The following DDX10 variants were observed in gnomAD, a reference collection of about 807,000 sequenced individuals.
The protein encoded by DDX10 is probable ATP-dependent RNA helicase DDX10.
DDX10 carries 74 observed loss-of-function variants against 104.3 expected under a neutral mutation model. The ratio of observed to expected loss-of-function variants is 0.71; its 90% CI spans 0.59 to 0.86. The LOEUF (loss-of-function observed/expected upper bound fraction) is 0.86, where lower values mean the gene tolerates loss of function less well. DDX10 is among the 40% of genes least tolerant of loss of function. The probability of loss-of-function intolerance (pLI) is 0.00; values close to 1 mark genes in which losing one functional copy is unlikely to be tolerated. For missense variants in DDX10, 952 were observed against 1,040.0 expected (o/e 0.92, Z 1.16); for synonymous variants, 351 against 353.4 (o/e 0.99, Z 0.08).
chr11:108,884,293 A>G (rs1041602213), intron 16 of DDX10, among the ~76,000 whole-genome samples: 1 of 152,102 alleles, frequency 6.6e-6, no homozygotes, highest in African/African-American at 2.4e-5. Flanking sequence ...TTAGGCACAA[A>G]CCTTCCTTTA....
At chr11:108,767,018 A>T (rs2094357199) in intron 13 of DDX10, among the ~76,000 whole-genome samples, 1 of 151,962 alleles carries the variant, frequency 6.6e-6, no homozygotes, top group Admixed American at 6.6e-5. Flanking sequence ...GGGGCAAGGG[A>T]CTCTTCCACT....
chr11:108,910,732 T>C (rs1396997538), intron 16 of DDX10, among the ~76,000 whole-genome samples: 3 of 500 alleles, frequency 6.0e-3, no homozygotes, highest in East Asian at 0.083. Context: ...TGCATGCGTG[T>C]GTGTGTGTGT....
In DDX10 at chr11:108,672,062, G is replaced by GAA. The variant is rs55845865; in HGVS notation, c.187-1382_187-1381dup. On this transcript the variant is annotated intron_variant, in intron 1 of 17. Coordinates refer to ENST00000322536, the MANE Select transcript of DDX10 (RefSeq NM_004398.4). ...GGCGACACAGCGAGACTCCATCTCG[G>GAA]AAAAAAAAAAAAAAAAAAAAAAAAG... 1.8e-3 allele frequency among the ~76,000 whole-genome samples: 124 copies of GAA among 68,626 alleles called. 1 individual carries two copies. Among genetic ancestry groups the GAA allele is most frequent in the African/African-American group, 5.9e-3 (106 of 18,010 alleles). 45.0% of individuals were successfully genotyped at this position (68,626 alleles called of 152,430 possible). A position where few individuals can be genotyped will look rare whatever the true frequency, so the allele number is the denominator to read the frequency against.
chr11:108,704,385 T>G (rs943872164), intron 9 of DDX10, among the ~76,000 whole-genome samples: 1 of 152,224 alleles, frequency 6.6e-6, no homozygotes, highest in Non-Finnish European at 1.5e-5. Context: ...CCAAACAGAA[T>G]AAGCCTTTCT....
intron 6 of DDX10, among the ~76,000 whole-genome samples, chr11:108,687,147 A>T (rs1441408914): frequency 1.3e-5 from 2 of 152,082 alleles, no homozygotes; most frequent in African/African-American, 4.8e-5. Context: ...ATCATTTTGC[A>T]TTTCTGCCAG....
chr11:108,819,555 T>G (rs902748585), intron 13 of DDX10, among the ~76,000 whole-genome samples: 1 of 152,136 alleles, frequency 6.6e-6, no homozygotes, highest in Non-Finnish European at 1.5e-5. Flanking sequence ...TTTAGTGAAT[T>G]TTCTGTCAAA....
At chr11:108,668,451 GAAAT>G (rs1339711988) in intron 1 of DDX10, among the ~76,000 whole-genome samples, 1 of 152,096 alleles carries the variant, frequency 6.6e-6, no homozygotes, top group African/African-American at 2.4e-5. Flanking sequence ...ATTTGGTTGA[GAAAT>G]AAATGCAGTG....
chr11:108,916,636 T>G (rs935546857), intron 16 of DDX10, among the ~76,000 whole-genome samples: 1 of 152,170 alleles, frequency 6.6e-6, no homozygotes, highest in African/African-American at 2.4e-5. Context: ...TTTATATCAT[T>G]TGGTATGAAG....
At chr11:108,717,833 C>T (rs1438420984) in intron 11 of DDX10, among the ~76,000 whole-genome samples, 1 of 152,060 alleles carries the variant, frequency 6.6e-6, no homozygotes, top group Non-Finnish European at 1.5e-5. Context: ...TTTGACTGTA[C>T]AAATGGGTAA....
intron 13 of DDX10, among the ~76,000 whole-genome samples, chr11:108,741,667 T>C (rs1342517968): frequency 2.6e-5 from 4 of 152,208 alleles, no homozygotes; most frequent in East Asian, 1.9e-4. Context: ...CCTGAAACTT[T>C]GTTGAAGTTT....
intron 13 of DDX10, among the ~76,000 whole-genome samples, chr11:108,777,111 G>A (rs1371044090): frequency 6.6e-6 from 1 of 152,220 alleles, no homozygotes; most frequent in East Asian, 1.9e-4. Context: ...GGGATTTCCT[G>A]CAGCATGATT....
intron 9 of DDX10, among the ~76,000 whole-genome samples, chr11:108,703,618 G>A (rs1007900172): frequency 7.9e-5 from 12 of 152,158 alleles, no homozygotes; most frequent in African/African-American, 2.2e-4. Flanking sequence ...CTGAGCCACC[G>A]CGCTTGGCCT....
chr11:108,710,674 G>A (rs1224505202), intron 10 of DDX10, among the ~76,000 whole-genome samples: 1 of 152,116 alleles, frequency 6.6e-6, no homozygotes, highest in African/African-American at 2.4e-5. Flanking sequence ...AAAAAGTATG[G>A]TGAATAAATC....
At chr11:108,666,557 A>G (rs1591785172) in intron 1 of DDX10, among the ~76,000 whole-genome samples, 1 of 152,180 alleles carries the variant, frequency 6.6e-6, no homozygotes, top group Admixed American at 6.5e-5. Flanking sequence ...GTCTGAAATC[A>G]GTTTCACTGG....
At chr11:108,794,832 C>CTT (rs969705921) in intron 13 of DDX10, among the ~76,000 whole-genome samples, 3 of 144,902 alleles carry the variant, frequency 2.1e-5, no homozygotes, top group African/African-American at 5.1e-5. Context: ...CTCTCTCTCT[C>CTT]TTTTTTTTTT....
intron 16 of DDX10, among the ~76,000 whole-genome samples, chr11:108,914,050 A>G (rs1336892487): frequency 6.6e-6 from 1 of 152,230 alleles, no homozygotes; most frequent in African/African-American, 2.4e-5. Flanking sequence ...GTTGTCAATT[A>G]CAAGAGTCAC....
intron 15 of DDX10, among the ~76,000 whole-genome samples, chr11:108,843,250 A>G (rs1043764251): frequency 6.6e-6 from 1 of 152,160 alleles, no homozygotes; most frequent in Non-Finnish European, 1.5e-5. Flanking sequence ...AAAAGGCAAT[A>G]TAGCAAGATT....
chr11:108,714,174 T>G (rs944144095), intron 10 of DDX10, among the ~76,000 whole-genome samples: 2 of 152,250 alleles, frequency 1.3e-5, no homozygotes, highest in African/African-American at 4.8e-5. Flanking sequence ...GTAAAACTCA[T>G]GAGTGTGGGG....
intron 13 of DDX10, among the ~76,000 whole-genome samples, chr11:108,736,703 C>T (rs1210629445): frequency 6.6e-6 from 1 of 152,108 alleles, no homozygotes; most frequent in Non-Finnish European, 1.5e-5. Context: ...TTCCTTCTTG[C>T]CCTCTGCCTT....
Sources: allele counts gnomAD v4.1 joint callset (sites outside exome capture counted in the v4.1 genomes callset), GRCh38; gene constraint gnomAD v4.1.1; transcripts MANE v1.5; gene names NCBI Gene and HGNC (gene_info 2026-07-23, HGNC 2026-07-21).